The following AMN1 variants were observed in gnomAD, a reference collection of about 807,000 sequenced individuals.
The protein encoded by AMN1 is protein AMN1 homolog.
AMN1 carries 20 observed loss-of-function variants against 33.0 expected under a neutral mutation model. The ratio of observed to expected loss-of-function variants is 0.61; its 90% confidence interval spans 0.43 to 0.88. AMN1 has a LOEUF of 0.88. Among genes scored for constraint, AMN1 ranks in the 40% least tolerant of loss-of-function variants. The pLI, the probability that AMN1 is intolerant of heterozygous loss-of-function variation, is 0.00. For synonymous variants in AMN1, 114 were observed against 111.9 expected (o/e 1.02, Z -0.12); for missense variants, 246 against 307.4 (o/e 0.80, Z 1.49).
At chr12:31,710,419 T>C (rs1939419409) in intron 1 of AMN1, among the ~76,000 whole-genome samples, 1 of 152,184 alleles carries the variant, frequency 6.6e-6, no homozygotes, top group Non-Finnish European at 1.5e-5. Flanking sequence ...TGTGATTAAT[T>C]TTTTAGTGCA....
At position 31,678,758 on chromosome 12, in the gene AMN1, A is replaced by C. The variant is rs528582465; in HGVS notation, c.704-6381T>G. Among the ~76,000 whole-genome samples the C allele has an allele frequency of 2.0e-5, 3 of 152,326 alleles. No homozygotes were observed. The East Asian group carries it at 5.8e-4, about 29-fold the overall frequency. Reference sequence around the variant, plus strand: ...AATGTTCAAAGGAAATGTAATTTAGACATTTTTAGAGAACACACAGTGAAA... The same window carrying C: ...AATGTTCAAAGGAAATGTAATTTAGCCATTTTTAGAGAACACACAGTGAAA... On this transcript the variant is annotated intron_variant, in intron 6 of 6. Coordinates refer to ENST00000281471, the MANE Select transcript of AMN1 (RefSeq NM_001113402.2).
chr12:31,693,931 A>C (rs979338051), intron 5 of AMN1, among the ~76,000 whole-genome samples: 2 of 152,114 alleles, frequency 1.3e-5, no homozygotes, highest in Non-Finnish European at 2.9e-5. Context: ...TTAGCCTCCC[A>C]AAGTGCTGAA....
In AMN1 at chr12:31,709,316, T is replaced by C. The variant is rs1223338292; in HGVS notation, c.148A>G (p.Ile50Val). ...LIKIMSMQGQITDSNISEILH... is the reference protein window; with the variant it reads ...LIKIMSMQGQVTDSNISEILH... ...ACCTCACTTATATTTGAATCTGTTA[T>C]CTGTCCCTGCATACTCATTATTTTA... The change falls in exon 2 of 7, where the codon ATA (isoleucine) becomes GTA (valine). Residue 50 changes from isoleucine to valine, a missense_variant. Transcript: ENST00000281471. 6.2e-7 allele frequency: 1 copy of C among 1,613,748 alleles called. No homozygotes were observed. The highest frequency in any genetic ancestry group is 1.7e-5 in the Admixed American group (1 of 60,002).
intron 1 of AMN1, among the ~76,000 whole-genome samples, chr12:31,725,434 T>C (rs1940025591): frequency 6.6e-6 from 1 of 152,372 alleles, no homozygotes; most frequent in Non-Finnish European, 1.5e-5. Context: ...CCAATAATAG[T>C]TGCTCTACGT....
intron 3 of AMN1, among the ~76,000 whole-genome samples, chr12:31,700,759 G>T (rs867292558): frequency 6.7e-6 from 1 of 149,384 alleles, no homozygotes; most frequent in Non-Finnish European, 1.5e-5. Flanking sequence ...GCGCAATCTC[G>T]GCTCACTGCA....
In AMN1 at chr12:31,697,755, G is replaced by A; in HGVS notation, c.519C>T (p.Asp173=). The A allele has an allele frequency of 1.2e-6, 2 of 1,613,940 alleles. No homozygotes were observed. Among genetic ancestry groups the A allele is most frequent in the African/African-American group, 1.3e-5 (1 of 75,050 alleles). Residue 173 remains aspartate (D), a synonymous_variant, in exon 4 of 7, where the codon GAC becomes GAT. Transcript: ENST00000281471. ...GKNCPFLQCV[D]FSATQVSDSG... ...TGTCATTTACCTGAGTAGCTGAAAA[G>A]TCGACACACTGCAAAAATGGGCAGT...
intron 1 of AMN1, among the ~76,000 whole-genome samples, chr12:31,716,703 G>A (rs1420315260): frequency 6.6e-6 from 1 of 152,076 alleles, no homozygotes; most frequent in Admixed American, 6.6e-5. Context: ...GTTTCTTACT[G>A]ATATATAGGA....
intron 1 of AMN1, among the ~76,000 whole-genome samples, chr12:31,720,590 C>G (rs1017178976): frequency 2.6e-5 from 4 of 151,304 alleles, no homozygotes; most frequent in African/African-American, 9.7e-5. Flanking sequence ...CTCACAAATA[C>G]CAATTATGGG....
intron 1 of AMN1, among the ~76,000 whole-genome samples, chr12:31,719,801 A>G (rs1206712659): frequency 6.6e-6 from 1 of 152,252 alleles, no homozygotes; most frequent in African/African-American, 2.4e-5. Flanking sequence ...TGTAGACAAC[A>G]AAACTCACAG....
At chr12:31,714,665 A>G (rs1939601679) in intron 1 of AMN1, 1 of 152,492 alleles carries the variant, frequency 6.6e-6, no homozygotes, top group African/African-American at 2.4e-5. Flanking sequence ...AACAAAAAAG[A>G]TTGTTTGCAA....
At chr12:31,727,888 C>T (rs1451587319) in intron 1 of AMN1, among the ~76,000 whole-genome samples, 2 of 152,128 alleles carry the variant, frequency 1.3e-5, no homozygotes, top group Non-Finnish European at 2.9e-5. Flanking sequence ...GCCACTACTA[C>T]TCCTGGCTAA....
intron 3 of AMN1, among the ~76,000 whole-genome samples, chr12:31,699,465 A>C (rs1389349208): frequency 6.6e-6 from 1 of 151,768 alleles, no homozygotes; most frequent in Non-Finnish European, 1.5e-5. Context: ...ACAAACAAAA[A>C]ACCTCTTGAA....
At chr12:31,691,075 T>G (rs1592155098) in intron 5 of AMN1, among the ~76,000 whole-genome samples, 1 of 149,288 alleles carries the variant, frequency 6.7e-6, no homozygotes, top group African/African-American at 2.5e-5. Flanking sequence ...GAGATGGAGG[T>G]TGCAGTGAGC....
chr12:31,727,123 GGGATTACAGGTGTGA>G (rs1347115622), intron 1 of AMN1, among the ~76,000 whole-genome samples: 1 of 152,092 alleles, frequency 6.6e-6, no homozygotes, highest in African/African-American at 2.4e-5. Context: ...CCAAAATGTT[GGGATTACAGGTGTGA>G]GCCACCATGC....
At chr12:31,709,004 CCT>C (rs949481035) in intron 2 of AMN1, 63 of 437,612 alleles carry the variant, frequency 1.4e-4, no homozygotes, top group Non-Finnish European at 2.3e-4. Context: ...ATGGTGAAAC[CCT>C]GTCTCTACAA....
intron 6 of AMN1, among the ~76,000 whole-genome samples, chr12:31,676,235 A>T (rs767275114): frequency 6.6e-6 from 1 of 151,750 alleles, no homozygotes; most frequent in Non-Finnish European, 1.5e-5. Flanking sequence ...TATTATTAAG[A>T]TAGCAATATT....
intron 6 of AMN1, among the ~76,000 whole-genome samples, chr12:31,677,290 A>G (rs2139652105): frequency 6.6e-6 from 1 of 152,054 alleles, no homozygotes; most frequent in South Asian, 2.1e-4. Context: ...ACTGAGCGAG[A>G]CTCCGTCTCA....
intron 3 of AMN1, among the ~76,000 whole-genome samples, chr12:31,699,659 G>A (rs1469687354): frequency 6.6e-6 from 1 of 152,110 alleles, no homozygotes; most frequent in Admixed American, 6.6e-5. Flanking sequence ...TAACAAAAGT[G>A]TTTCCCTGAG....
chr12:31,709,026 A>G (rs1337605848), intron 2 of AMN1: 2 of 467,882 alleles, frequency 4.3e-6, no homozygotes, highest in Non-Finnish European at 8.2e-6. Context: ...AAAAATGCAA[A>G]AATTAGCCAG....
Sources: gnomAD v4.1 joint callset for allele counts (sites outside exome capture counted in the v4.1 genomes callset) on GRCh38, gnomAD v4.1.1 for gene constraint, MANE v1.5 for transcripts, NCBI Gene and HGNC (gene_info 2026-07-23, HGNC 2026-07-21) for gene names.